Variants in CFH observed in about 807,000 individuals in gnomAD.
The protein encoded by CFH is complement factor H, also known as H factor 1 (complement).
Under a neutral mutation model 147.3 loss-of-function variants are expected in CFH, and 53 were observed. The ratio of observed to expected loss-of-function variants is 0.36; its 90% CI spans 0.29 to 0.45. The LOEUF (loss-of-function observed/expected upper bound fraction) is 0.45. Among genes scored for constraint, CFH ranks in the 20% least tolerant of loss-of-function variants. The pLI is 1.00. For missense variants in CFH, 1,380 were observed against 1,498.0 expected, an observed-to-expected ratio of 0.92 and a Z score of 1.30; for synonymous variants, 536 against 489.4, an observed-to-expected ratio of 1.10 and a Z score of -1.26.
chr1:196,708,025 T>C (rs1158835042), intron 9 of CFH, among the ~76,000 whole-genome samples: 3 of 152,184 alleles, frequency 2.0e-5, no homozygotes, highest in Non-Finnish European at 4.4e-5. Flanking sequence ...ATAGATTTTC[T>C]AGACATTCTA....
At position 196,726,950 on chromosome 1, in the gene CFH, C is replaced by T. The variant is rs755790229; in HGVS notation, c.2236+10C>T. On this transcript the variant is annotated intron_variant, in intron 14 of 21. Transcript: ENST00000367429. ...CTTCCCCAGTGTGTGGGTGAGAATA[C>T]CCTTCTTAAATCAACATTTAACAAA... 10 of 1,607,300 alleles carry T rather than the reference C, an allele frequency of 6.2e-6. No individual in the cohort carries two copies. Among genetic ancestry groups the T allele is most frequent in the Non-Finnish European group, 4.3e-6 (5 of 1,173,980 alleles).
chr1:196,704,283 C>T (rs1160270494), intron 9 of CFH, among the ~76,000 whole-genome samples: 2 of 151,980 alleles, frequency 1.3e-5, no homozygotes, highest in Non-Finnish European at 2.9e-5. Context: ...TTAGTAGAGA[C>T]AGGGTTTCAC....
At chr1:196,709,161 A>G (rs931717963) in intron 9 of CFH, among the ~76,000 whole-genome samples, 1 of 152,114 alleles carries the variant, frequency 6.6e-6, no homozygotes, top group Non-Finnish European at 1.5e-5. Flanking sequence ...CTCGCTGGAG[A>G]CCATATGTCT....
intron 3 of CFH, among the ~76,000 whole-genome samples, chr1:196,674,247 G>A (rs1191480847): frequency 3.3e-5 from 5 of 152,178 alleles, no homozygotes; most frequent in African/African-American, 2.4e-5. Flanking sequence ...AAGTCTTCAC[G>A]ACATTCTATT....
chr1:196,747,449 A>C lies in CFH; in HGVS notation c.*136A>C. 2 of 971,724 alleles carry C rather than the reference A, an allele frequency of 2.1e-6. No homozygotes were observed. The highest frequency in any genetic ancestry group is 3.2e-6 in the Non-Finnish European group (2 of 628,778). 60.2% of individuals were successfully genotyped at this position (971,724 alleles called of 1,614,324 possible). A position where few individuals can be genotyped will look rare whatever the true frequency, so the allele number is the denominator to read the frequency against. On this transcript the variant is annotated 3_prime_UTR_variant, in exon 22 of 22. Coordinates refer to ENST00000367429, the MANE Select transcript of CFH (RefSeq NM_000186.4). ...ATTAATTTGTGAAAATGTAATTATA[A>C]GCTGAGACCGGTGGCTCTCTTCTTA...
intron 19 of CFH, 69 bp downstream of exon 19, chr1:196,742,120 A>G (rs1255215102): frequency 3.3e-6 from 5 of 1,498,588 alleles, no homozygotes; most frequent in Non-Finnish European, 2.8e-6. Flanking sequence ...GGCGCCTGTA[A>G]TCCCAGCACT....
intron 21 of CFH, among the ~76,000 whole-genome samples, chr1:196,746,641 G>A (rs964359351): frequency 6.6e-6 from 1 of 151,970 alleles, no homozygotes. Context: ...GTAGGTGGGT[G>A]TGTGAGTATG....
intron 17 of CFH, 42 bp downstream of exon 17, chr1:196,737,702 T>A (rs1652609936): frequency 6.5e-7 from 1 of 1,531,984 alleles, no homozygotes; most frequent in Admixed American, 1.7e-5. Context: ...TATAGTAGAA[T>A]TCATAAAAAT....
chr1:196,735,282 T>C (rs1669374096), intron 15 of CFH, among the ~76,000 whole-genome samples: 1 of 152,162 alleles, frequency 6.6e-6, no homozygotes, highest in Non-Finnish European at 1.5e-5. Context: ...CTAATTTAAT[T>C]CTCTTGTGAA....
intron 1 of CFH, among the ~76,000 whole-genome samples, chr1:196,654,849 T>C (rs376749289): frequency 6.6e-6 from 1 of 152,176 alleles, no homozygotes; most frequent in East Asian, 1.9e-4. Flanking sequence ...AGGAGAATAG[T>C]GGTCTAAAAT....
At chr1:196,689,011 T>C (rs1667930206) in intron 7 of CFH, among the ~76,000 whole-genome samples, 2 of 134,688 alleles carry the variant, frequency 1.5e-5, no homozygotes, top group Admixed American at 1.7e-4. Context: ...TCTTGTTTAC[T>C]GATGAGAATA....
chr1:196,664,162 C>T (rs1666999898), intron 1 of CFH, among the ~76,000 whole-genome samples: 1 of 151,966 alleles, frequency 6.6e-6, no homozygotes, highest in Admixed American at 6.6e-5. Flanking sequence ...CTCAAGAGAC[C>T]CTCCTGTCCC....
chr1:196,656,664 T>C (rs1297840179), intron 1 of CFH, among the ~76,000 whole-genome samples: 4 of 150,934 alleles, frequency 2.7e-5, no homozygotes, highest in East Asian at 3.9e-4. Flanking sequence ...TACTTAGTAA[T>C]ACTTGGTACA....
chr1:196,740,827 A>G, intron 18 of CFH, 35 bp downstream of exon 18: 1 of 1,589,796 alleles, frequency 6.3e-7, no homozygotes, highest in Non-Finnish European at 8.6e-7. Context: ...ATGTATGATA[A>G]ATATTCTTCA....
At chr1:196,700,725 C>T in intron 9 of CFH, 2 of 534,016 alleles carry the variant, frequency 3.7e-6, no homozygotes, top group Non-Finnish European at 2.4e-6. Flanking sequence ...TACCTACAGT[C>T]CAGTGCCCCC....
intron 4 of CFH, chr1:196,676,941 G>C (rs1667477549): frequency 6.6e-6 from 1 of 152,576 alleles, no homozygotes; most frequent in Non-Finnish European, 1.5e-5. Context: ...ATTTTAACAA[G>C]CATCCTGAGT....
Position 196,690,142 on chromosome 1 carries a change from C to G in CFH, c.1239C>G (p.Asp413Glu). Residue 413 changes from aspartate (D) to glutamate (E), a missense_variant, in exon 9 of 22, where the codon GAC becomes GAG. Coordinates refer to ENST00000367429, the MANE Select transcript of CFH (RefSeq NM_000186.4). ...GRKFVQGKSI[D>E]VACHPGYALP... Reference sequence around the variant, plus strand: ...AGTTTGTACAGGGTAAATCTATAGACGTTGCCTGCCATCCTGGCTACGCTC... The same window carrying G: ...AGTTTGTACAGGGTAAATCTATAGAGGTTGCCTGCCATCCTGGCTACGCTC... 6.2e-7 allele frequency: 1 copy of G among 1,613,160 alleles called. No individual in the cohort carries two copies.
rs534328997 is a variant in CFH at position 196,727,058 on chromosome 1, A to G, written c.2236+118A>G. 5 of 843,310 alleles carry G rather than the reference A, an allele frequency of 5.9e-6. No homozygotes were observed. The African/African-American group carries it at 8.5e-5, about 14-fold the overall frequency. 52.2% of individuals were successfully genotyped at this position (843,310 alleles called of 1,614,324 possible). ...TATGCCTCAACATTTCCAGTCTTCA[A>G]TATGAGACCAATCTTTTGCATATTG... On this transcript the variant is annotated intron_variant, in intron 14 of 21. Coordinates refer to ENST00000367429, the MANE Select transcript of CFH (RefSeq NM_000186.4).
chr1:196,678,918 A>T (rs1667550027), intron 5 of CFH: 1 of 152,292 alleles, frequency 6.6e-6, no homozygotes, highest in Non-Finnish European at 1.5e-5. Flanking sequence ...TGCATGCACC[A>T]TGCTGAAGAA....
Sources: allele counts gnomAD v4.1 joint callset (sites outside exome capture counted in the v4.1 genomes callset), GRCh38; gene constraint gnomAD v4.1.1; transcripts MANE v1.5; gene names NCBI Gene and HGNC (gene_info 2026-07-23, HGNC 2026-07-21).